Variants in SDK1 observed in about 807,000 individuals in gnomAD.
SDK1 encodes protein sidekick-1.
SDK1 carries 157 observed loss-of-function variants against 245.5 expected under a neutral mutation model. That is an observed-to-expected ratio of 0.64 (90% CI 0.56 to 0.73). The LOEUF is 0.73. SDK1 is among the 30% of genes least tolerant of loss of function. The pLI, the probability that SDK1 is intolerant of heterozygous loss-of-function variation, is 0.00. For synonymous variants in SDK1, 1,647 were observed against 1,278.5 expected, an observed-to-expected ratio of 1.29 and a Z score of -6.15; for missense variants, 3,583 against 3,002.3, an observed-to-expected ratio of 1.19 and a Z score of -4.52.
chr7:3,750,944 T>A (rs756906721), intron 4 of SDK1, among the ~76,000 whole-genome samples: 1 of 152,238 alleles, frequency 6.6e-6, no homozygotes, highest in Non-Finnish European at 1.5e-5. Flanking sequence ...CCTGTCCTCT[T>A]TATGCGACTG....
intron 4 of SDK1, among the ~76,000 whole-genome samples, chr7:3,813,591 C>T (rs937389701): frequency 1.3e-5 from 2 of 150,702 alleles, no homozygotes; most frequent in African/African-American, 2.5e-5. Context: ...TGTGTCTTTA[C>T]AGCAGCATGC....
At chr7:3,338,735 T>C (rs1229479155) in intron 1 of SDK1, 1 of 175,398 alleles carries the variant, frequency 5.7e-6, no homozygotes, top group African/African-American at 2.4e-5. Context: ...AGCCTGTTTT[T>C]CCTATTTTGC....
intron 1 of SDK1, among the ~76,000 whole-genome samples, chr7:3,535,925 T>C (rs1366920819): frequency 6.6e-6 from 1 of 152,200 alleles, no homozygotes; most frequent in East Asian, 1.9e-4. Context: ...TGTAAACATA[T>C]TCCTGAACAT....
At chr7:4,044,991 A>G (rs1388059605) in intron 17 of SDK1, among the ~76,000 whole-genome samples, 2 of 152,154 alleles carry the variant, frequency 1.3e-5, no homozygotes, top group African/African-American at 2.4e-5. Context: ...ATCTTTGCCT[A>G]TTTCAGAACA....
At chr7:3,909,296 G>A (rs189799635) in intron 5 of SDK1, among the ~76,000 whole-genome samples, 7 of 152,168 alleles carry the variant, frequency 4.6e-5, no homozygotes, top group South Asian at 4.2e-4. Flanking sequence ...CCAGATGGCC[G>A]CCAATAACTC....
chr7:3,429,451 C>G (rs1268391132), intron 1 of SDK1, among the ~76,000 whole-genome samples: 6 of 152,028 alleles, frequency 3.9e-5, no homozygotes, highest in African/African-American at 1.4e-4. Flanking sequence ...TGAAAGATAC[C>G]AGACCCAAAC....
At chr7:3,550,528 T>C (rs547875913) in intron 1 of SDK1, among the ~76,000 whole-genome samples, 1 of 152,192 alleles carries the variant, frequency 6.6e-6, no homozygotes. Flanking sequence ...GTGCTGACTG[T>C]CTGCAGTGTG....
At chr7:3,970,878 A>G (rs1782438988) in intron 11 of SDK1, among the ~76,000 whole-genome samples, 1 of 152,204 alleles carries the variant, frequency 6.6e-6, no homozygotes, top group African/African-American at 2.4e-5. Flanking sequence ...TCCTGGAAGC[A>G]GAGCAGGTCC....
intron 1 of SDK1, among the ~76,000 whole-genome samples, chr7:3,603,074 G>C (rs941078989): frequency 2.6e-5 from 4 of 151,752 alleles, no homozygotes; most frequent in African/African-American, 9.7e-5. Flanking sequence ...ATGCTGTTTT[G>C]GTTACTGTAG....
chr7:3,858,936 C>T (rs1207185430), intron 5 of SDK1, among the ~76,000 whole-genome samples: 7 of 147,014 alleles, frequency 4.8e-5, no homozygotes, highest in Non-Finnish European at 7.4e-5. Flanking sequence ...GATCTCGGCT[C>T]GCTGCAAGCT....
intron 1 of SDK1, among the ~76,000 whole-genome samples, chr7:3,572,837 G>T (rs1349883300): frequency 1.3e-5 from 2 of 152,066 alleles, no homozygotes; most frequent in Non-Finnish European, 2.9e-5. Flanking sequence ...AATAGAGGGT[G>T]CTATTGAAAT....
At chr7:3,793,187 A>G (rs572236638) in intron 4 of SDK1, among the ~76,000 whole-genome samples, 2 of 152,166 alleles carry the variant, frequency 1.3e-5, no homozygotes, top group South Asian at 4.2e-4. Flanking sequence ...TAATTTTAAT[A>G]TTTTGGTCTG....
intron 1 of SDK1, among the ~76,000 whole-genome samples, chr7:3,569,274 A>G (rs1780030447): frequency 6.6e-6 from 1 of 152,252 alleles, no homozygotes; most frequent in Non-Finnish European, 1.5e-5. Flanking sequence ...AGTAAGGCAG[A>G]TAGACAAATG....
intron 5 of SDK1, among the ~76,000 whole-genome samples, chr7:3,884,930 C>T (rs1056002476): frequency 6.6e-6 from 1 of 152,202 alleles, no homozygotes; most frequent in Non-Finnish European, 1.5e-5. Context: ...ATCCCTTTCT[C>T]GCCATAAGCG....
chr7:3,480,064 G>A (rs1464292677), intron 1 of SDK1, among the ~76,000 whole-genome samples: 1 of 152,096 alleles, frequency 6.6e-6, no homozygotes, highest in African/African-American at 2.4e-5. Flanking sequence ...CCTTTACATG[G>A]CAAAGGGGAA....
At chr7:4,027,581 A>G (rs1787455913) in intron 17 of SDK1, among the ~76,000 whole-genome samples, 1 of 152,218 alleles carries the variant, frequency 6.6e-6, no homozygotes, top group Non-Finnish European at 1.5e-5. Flanking sequence ...CAAATCTCCA[A>G]AACATCCTAG....
intron 5 of SDK1, among the ~76,000 whole-genome samples, chr7:3,896,057 G>C (rs1001755644): frequency 3.3e-5 from 5 of 152,136 alleles, no homozygotes; most frequent in Non-Finnish European, 5.9e-5. Context: ...TGCTGTTGTT[G>C]GGTGGAGTGT....
rs933147165 is a variant in SDK1, at chr7:4,169,050, G to A, written c.4801-5172G>A. The stretch of plus-strand genomic sequence containing the variant: ...CATGTGCTGGGTGAGAGCCATTAGC[G>A]GGGACCTGTTGCTGTGTGGTTGTCA... On this transcript the variant is annotated intron_variant, in intron 32 of 44. Coordinates refer to ENST00000404826, the MANE Select transcript of SDK1 (RefSeq NM_152744.4). Among the ~76,000 whole-genome samples the A allele has an allele frequency of 1.5e-4, 22 of 151,542 alleles. 1 individual carries two copies. The highest frequency in any genetic ancestry group is 3.4e-4 in the African/African-American group (14 of 41,412).
At chr7:3,754,447 A>G (rs1029719987) in intron 4 of SDK1, among the ~76,000 whole-genome samples, 1 of 152,202 alleles carries the variant, frequency 6.6e-6, no homozygotes, top group Non-Finnish European at 1.5e-5. Flanking sequence ...AAAATGTTAC[A>G]TTATTGTGAG....
Sources: allele counts gnomAD v4.1 joint callset (sites outside exome capture counted in the v4.1 genomes callset), GRCh38; gene constraint gnomAD v4.1.1; transcripts MANE v1.5; gene names NCBI Gene and HGNC (gene_info 2026-07-23, HGNC 2026-07-21).